SH3YL1: variants seen among roughly 807,000 people sequenced by gnomAD.
SH3YL1 encodes SH3 and SYLF domain containing 1.
SH3YL1 carries 41 observed loss-of-function variants against 45.8 expected under a neutral mutation model. The observed-to-expected ratio is 0.89, with a 90% CI of 0.70 to 1.16. The LOEUF (loss-of-function observed/expected upper bound fraction) is 1.16. Ranked by LOEUF, SH3YL1 falls within the 50% of genes most tolerant of loss-of-function variation. The probability of loss-of-function intolerance (pLI) is 0.00; values close to 1 mark genes in which losing one functional copy is unlikely to be tolerated. For missense variants in SH3YL1, 389 were observed against 409.6 expected (o/e 0.95, Z 0.43); for synonymous variants, 152 against 151.4 (o/e 1.00, Z -0.03).
chr2:246,211 A>T lies in SH3YL1; in HGVS notation c.291+1327T>A, dbSNP rs188484146. Among the ~76,000 whole-genome samples the T allele has an allele frequency of 3.1e-3, 477 of 152,106 alleles. 1 individual carries two copies. Among genetic ancestry groups the T allele is most frequent in the Middle Eastern group, 0.024 (7 of 294 alleles). On this transcript the variant is annotated intron_variant, in intron 4 of 9. Coordinates refer to ENST00000356150, the MANE Select transcript of SH3YL1 (RefSeq NM_015677.4). ...ACTCCATCTCAAAAAAAAAAAGAGA[A>T]AAAAGAAAAAAAATACTATGTATCA...
chr2:240,399 G>C (rs971432292), intron 4 of SH3YL1: 12 of 152,276 alleles, frequency 7.9e-5, no homozygotes, highest in African/African-American at 2.9e-4. Context: ...CCCAAGGGAA[G>C]TGAAAGCTTT....
At chr2:245,910 C>CT (rs1035402153) in intron 4 of SH3YL1, among the ~76,000 whole-genome samples, 8 of 152,034 alleles carry the variant, frequency 5.3e-5, no homozygotes, top group African/African-American at 1.9e-4. Context: ...GTGTATCAGT[C>CT]TAAGGCCCAG....
intron 9 of SH3YL1, among the ~76,000 whole-genome samples, chr2:221,928 A>C (rs1667596995): frequency 6.6e-6 from 1 of 152,168 alleles, no homozygotes; most frequent in Non-Finnish European, 1.5e-5. Context: ...TCTTTAATGT[A>C]AATATTAGAG....
chr2:230,673 A>G, intron 7 of SH3YL1: 1 of 293,518 alleles, frequency 3.4e-6, no homozygotes, highest in Non-Finnish European at 6.5e-6. Flanking sequence ...TGCCCAGCTA[A>G]TGTTTCTATT....
intron 3 of SH3YL1, 50 bp from the exon 4 acceptor site, chr2:247,652 A>G (rs1177458471): frequency 2.8e-6 from 4 of 1,411,836 alleles, no homozygotes; most frequent in Non-Finnish European, 3.9e-6. Flanking sequence ...CACCCTCGAC[A>G]TGTAAATATA....
intron 4 of SH3YL1, chr2:244,706 A>G (rs1490685761): frequency 1.3e-5 from 2 of 152,190 alleles, no homozygotes; most frequent in East Asian, 1.9e-4. Context: ...CATTTTACAG[A>G]AAAGGAAGCA....
At chr2:244,369 G>A (rs1006309134) in intron 4 of SH3YL1, among the ~76,000 whole-genome samples, 3 of 151,920 alleles carry the variant, frequency 2.0e-5, no homozygotes, top group Non-Finnish European at 2.9e-5. Context: ...GGTGGCGGGC[G>A]CCTGTAGTCC....
At chr2:229,933 C>T (rs773288378) in intron 8 of SH3YL1, 33 bp downstream of exon 8, 8 of 1,514,544 alleles carry the variant, frequency 5.3e-6, no homozygotes, top group African/African-American at 1.4e-5. Context: ...TACTTAATTA[C>T]AACTGTATTT....
Position 234,154 on chromosome 2 carries a change from ACTCAC to A in SH3YL1, c.404+1_404+5del, listed in dbSNP as rs1275599704. 6.2e-7 allele frequency: 1 copy of A among 1,602,252 alleles called. No individual in the cohort carries two copies. Among genetic ancestry groups the A allele is most frequent in the Non-Finnish European group, 8.5e-7 (1 of 1,173,338 alleles). ...TTACTGTCTAACATCTATTTAAAGA[ACTCAC>A]CTTCCCAAGGGCCCAACCGCCACAG... On this transcript the variant is annotated splice_donor_variant and splice_donor_5th_base_variant and intron_variant, in intron 5 of 9. Coordinates refer to ENST00000356150, the MANE Select transcript of SH3YL1 (RefSeq NM_015677.4). LOFTEE classifies it high-confidence loss of function.
At chr2:252,224 C>A (rs994848199) in intron 2 of SH3YL1, among the ~76,000 whole-genome samples, 2 of 152,190 alleles carry the variant, frequency 1.3e-5, no homozygotes, top group South Asian at 4.1e-4. Flanking sequence ...TACTGATGCA[C>A]ATCTGTGTTA....
chr2:235,267 C>T (rs1668236473), intron 4 of SH3YL1, among the ~76,000 whole-genome samples: 1 of 152,368 alleles, frequency 6.6e-6, no homozygotes, highest in Non-Finnish European at 1.5e-5. Flanking sequence ...ATTTGTTACT[C>T]AAATTAATCA....
intron 9 of SH3YL1, among the ~76,000 whole-genome samples, chr2:219,985 C>T (rs1047588219): frequency 2.0e-5 from 3 of 151,906 alleles, no homozygotes; most frequent in African/African-American, 7.3e-5. Context: ...GAGCAGTTAA[C>T]ATGAATAAAG....
chr2:236,618 G>A (rs1232979749), intron 4 of SH3YL1, among the ~76,000 whole-genome samples: 1 of 152,182 alleles, frequency 6.6e-6, no homozygotes, highest in Non-Finnish European at 1.5e-5. Context: ...TGTAATAATA[G>A]TGGCACACAT....
chr2:258,546 A>C (rs1012707359), intron 1 of SH3YL1, among the ~76,000 whole-genome samples: 2 of 152,280 alleles, frequency 1.3e-5, no homozygotes, highest in East Asian at 3.9e-4. Context: ...TACCATGTTG[A>C]GTGCCTAGAT....
At position 238,259 on chromosome 2, in the gene SH3YL1, TTGTGTGTGTGTGTGTGTG is replaced by T. The variant is rs3842546; in HGVS notation, c.292-4005_292-3988del. On this transcript the variant is annotated intron_variant, in intron 4 of 9. Coordinates refer to ENST00000356150, the MANE Select transcript of SH3YL1 (RefSeq NM_015677.4). Reference sequence around the variant, plus strand: ...GGGGAATAAACCTTTTCCTCCCTCCTTGTGTGTGTGTGTGTGTGTGTGTGTGTGTGTGTGTGTGTGTGT... The same window carrying T: ...GGGGAATAAACCTTTTCCTCCCTCCTTGTGTGTGTGTGTGTGTGTGTGTGT... Among the ~76,000 whole-genome samples, 15 of 141,952 alleles carry T rather than the reference TTGTGTGTGTGTGTGTGTG, an allele frequency of 1.1e-4. 1 individual carries two copies. Among genetic ancestry groups the T allele is most frequent in the Middle Eastern group, 7.2e-3 (2 of 278 alleles). 93.1% of individuals were successfully genotyped at this position (141,952 alleles called of 152,430 possible). A position where few individuals can be genotyped will look rare whatever the true frequency, so the allele number is the denominator to read the frequency against.
intron 1 of SH3YL1, chr2:263,107 T>C (rs1413943688): frequency 6.3e-6 from 1 of 157,864 alleles, no homozygotes; most frequent in African/African-American, 2.4e-5. Flanking sequence ...ACAGATTTTC[T>C]AAGTCGTTAT....
chr2:245,620 C>G (rs1271665327), intron 4 of SH3YL1, among the ~76,000 whole-genome samples: 1 of 152,062 alleles, frequency 6.6e-6, no homozygotes. Flanking sequence ...CTGGAAGCAC[C>G]CAGGTCAGAA....
At chr2:228,579 T>G (rs1367265408) in intron 8 of SH3YL1, among the ~76,000 whole-genome samples, 1 of 152,220 alleles carries the variant, frequency 6.6e-6, no homozygotes, top group Non-Finnish European at 1.5e-5. Context: ...TGGGTCAAAT[T>G]CTATATAATC....
At chr2:264,446 G>C, upstream of SH3YL1, 3 of 184,250 alleles carry the variant, frequency 1.6e-5, no homozygotes, top group South Asian at 2.9e-4. Context: ...GGCCCGCGGA[G>C]CCGCGAGGCC....
Sources: allele counts gnomAD v4.1 joint callset (sites outside exome capture counted in the v4.1 genomes callset), GRCh38; gene constraint gnomAD v4.1.1; transcripts MANE v1.5; gene names NCBI Gene and HGNC (gene_info 2026-07-23, HGNC 2026-07-21).